Variants in CCDC178 observed in about 807,000 individuals in gnomAD.
CCDC178 encodes coiled-coil domain-containing protein 178.
In CCDC178, 126 loss-of-function variants were observed where a neutral mutation model predicts 117.4. The ratio of observed to expected loss-of-function variants is 1.07; its 90% CI spans 0.93 to 1.24. The LOEUF (loss-of-function observed/expected upper bound fraction) is 1.24. CCDC178 is among the 50% of genes most tolerant of loss of function. The pLI, the probability that CCDC178 is intolerant of heterozygous loss-of-function variation, is 0.00. For missense variants in CCDC178, 1,030 were observed against 986.9 expected (o/e 1.04, Z -0.59); for synonymous variants, 283 against 313.4 (o/e 0.90, Z 1.02).
At chr18:33,339,641 G>C (rs935791187) in intron 9 of CCDC178, among the ~76,000 whole-genome samples, 1 of 151,946 alleles carries the variant, frequency 6.6e-6, no homozygotes, top group African/African-American at 2.4e-5. Context: ...TTGTGGAAGG[G>C]ACCCAGGGGG....
chr18:33,104,117 G>T (rs954511982), intron 20 of CCDC178, among the ~76,000 whole-genome samples: 1 of 151,744 alleles, frequency 6.6e-6, no homozygotes, highest in African/African-American at 2.4e-5. Flanking sequence ...TTGAGGATAT[G>T]TGAGTCTACA....
At chr18:33,301,704 T>C (rs1320503579) in intron 11 of CCDC178, among the ~76,000 whole-genome samples, 2 of 152,256 alleles carry the variant, frequency 1.3e-5, no homozygotes, top group Non-Finnish European at 2.9e-5. Context: ...TGAGGCCTGT[T>C]GCCTCTTTCT....
At chr18:33,093,610 T>C (rs1301657388) in intron 20 of CCDC178, among the ~76,000 whole-genome samples, 1 of 152,050 alleles carries the variant, frequency 6.6e-6, no homozygotes, top group Non-Finnish European at 1.5e-5. Flanking sequence ...TGCATCACTA[T>C]TCATTGGCAA....
intron 22 of CCDC178, among the ~76,000 whole-genome samples, chr18:32,939,546 G>A (rs1481379183): frequency 6.6e-6 from 1 of 152,124 alleles, no homozygotes; most frequent in African/African-American, 2.4e-5. Flanking sequence ...GGCTAGGAAT[G>A]AATTTTCTTT....
chr18:33,211,645 A>G (rs1368919269), intron 20 of CCDC178, among the ~76,000 whole-genome samples: 4 of 151,900 alleles, frequency 2.6e-5, no homozygotes, highest in African/African-American at 4.8e-5. Context: ...TTATATTAAT[A>G]GACTTCAAAA....
At chr18:33,261,734 T>C (rs1216303927) in intron 14 of CCDC178, among the ~76,000 whole-genome samples, 1 of 152,184 alleles carries the variant, frequency 6.6e-6, no homozygotes, top group Non-Finnish European at 1.5e-5. Flanking sequence ...GATTAGTTAT[T>C]TTATTAAATT....
intron 6 of CCDC178, among the ~76,000 whole-genome samples, chr18:33,362,120 CAT>C (rs1473241755): frequency 6.6e-6 from 1 of 151,276 alleles, no homozygotes; most frequent in African/African-American, 2.4e-5. Flanking sequence ...TGTATGTACA[CAT>C]ACACGCATGT....
intron 11 of CCDC178, among the ~76,000 whole-genome samples, chr18:33,316,240 G>A (rs1360174225): frequency 6.6e-6 from 1 of 152,178 alleles, no homozygotes; most frequent in Non-Finnish European, 1.5e-5. Context: ...AGAGGCGCCG[G>A]CGGGAACCGG....
At chr18:33,296,308 G>A (rs912500362) in intron 11 of CCDC178, among the ~76,000 whole-genome samples, 5 of 152,012 alleles carry the variant, frequency 3.3e-5, no homozygotes, top group Non-Finnish European at 5.9e-5. Context: ...AAAAAGGGTA[G>A]CACAAGGAAT....
intron 21 of CCDC178, among the ~76,000 whole-genome samples, chr18:33,053,688 T>C (rs1341939005): frequency 1.3e-5 from 2 of 151,970 alleles, no homozygotes; most frequent in South Asian, 2.1e-4. Context: ...AAAAGAAAAA[T>C]ATATACAAAT....
intron 20 of CCDC178, among the ~76,000 whole-genome samples, chr18:33,203,069 T>C (rs1421464113): frequency 6.6e-6 from 1 of 152,198 alleles, no homozygotes; most frequent in African/African-American, 2.4e-5. Context: ...AATGCGGCTA[T>C]TGTAACTCTG....
intron 20 of CCDC178, among the ~76,000 whole-genome samples, chr18:33,132,009 T>A (rs577382484): frequency 1.3e-5 from 2 of 151,670 alleles, no homozygotes; most frequent in African/African-American, 4.8e-5. Context: ...TTTTTGGTGC[T>A]ACTCATGTAG....
intron 11 of CCDC178, among the ~76,000 whole-genome samples, chr18:33,314,197 T>G: frequency 1.8e-5 from 1 of 55,058 alleles, no homozygotes. Flanking sequence ...CGAGACTCCG[T>G]CTCAAAAAAA....
intron 11 of CCDC178, among the ~76,000 whole-genome samples, chr18:33,293,622 T>C (rs1183693661): frequency 6.6e-6 from 1 of 152,060 alleles, no homozygotes; most frequent in African/African-American, 2.4e-5. Context: ...CTGTGATTGA[T>C]CCACTGTACT....
At chr18:33,353,461 T>C (rs2063006174) in intron 7 of CCDC178, among the ~76,000 whole-genome samples, 1 of 152,074 alleles carries the variant, frequency 6.6e-6, no homozygotes, top group South Asian at 2.1e-4. Flanking sequence ...TTCTATATTA[T>C]TTATTTCTGA....
intron 21 of CCDC178, among the ~76,000 whole-genome samples, chr18:33,031,240 G>GTTTTTTTTTTTTTTAT (rs2056336330): frequency 7.1e-6 from 1 of 141,528 alleles, no homozygotes; most frequent in Non-Finnish European, 1.6e-5. Context: ...TATTTTTGGA[G>GTTTTTTTTTTTTTTAT]TTTTTTTTTT....
intron 20 of CCDC178, among the ~76,000 whole-genome samples, chr18:33,149,341 T>G (rs1247671974): frequency 2.6e-5 from 4 of 152,338 alleles, no homozygotes; most frequent in Admixed American, 1.3e-4. Context: ...AGTCAATTTG[T>G]ACCCCAAATT....
intron 9 of CCDC178, among the ~76,000 whole-genome samples, chr18:33,334,493 A>G (rs769130780): frequency 2.2e-4 from 33 of 152,074 alleles, no homozygotes; most frequent in Non-Finnish European, 3.7e-4. Context: ...CATTATTTTA[A>G]CTTTCTGGCA....
In CCDC178 at chr18:33,095,696, C is replaced by A. The variant is rs141329295; in HGVS notation, c.2239-2786G>T. On this transcript the variant is annotated intron_variant, in intron 20 of 22. Coordinates refer to ENST00000383096, the MANE Select transcript of CCDC178 (RefSeq NM_001105528.4). ...TTATTTTTCAACTTCTATGAAGTAA[C>A]TGATTGGCAATATAACCACCATTAT... 4.0e-3 allele frequency among the ~76,000 whole-genome samples: 602 copies of A among 151,878 alleles called. 6 individuals are homozygous for A. The highest frequency in any genetic ancestry group is 0.014 in the African/African-American group (563 of 41,454).
Sources: gnomAD v4.1 joint callset for allele counts (sites outside exome capture counted in the v4.1 genomes callset) on GRCh38, gnomAD v4.1.1 for gene constraint, MANE v1.5 for transcripts, NCBI Gene and HGNC (gene_info 2026-07-23, HGNC 2026-07-21) for gene names.